Variants in ME1 observed in about 807,000 individuals in gnomAD.
The protein encoded by ME1 is NADP-dependent malic enzyme.
ME1 carries 74 observed loss-of-function variants against 66.4 expected under a neutral mutation model. That is an observed-to-expected ratio of 1.11 (90% CI 0.92 to 1.35). The LOEUF (loss-of-function observed/expected upper bound fraction) is 1.35. Ranked by LOEUF, ME1 falls within the 40% of genes most tolerant of loss-of-function variation. The pLI, the probability that ME1 is intolerant of heterozygous loss-of-function variation, is 0.00. For missense variants in ME1, 750 were observed against 694.1 expected (o/e 1.08, Z -0.90); for synonymous variants, 251 against 235.6 (o/e 1.07, Z -0.60).
At chr6:83,224,846 G>T (rs953953805) in intron 11 of ME1, among the ~76,000 whole-genome samples, 1 of 151,898 alleles carries the variant, frequency 6.6e-6, no homozygotes, top group African/African-American at 2.4e-5. Context: ...TCTTCATTTT[G>T]CCTAGTATTA....
intron 3 of ME1, among the ~76,000 whole-genome samples, chr6:83,387,270 CATT>C (rs2128549328): frequency 6.6e-6 from 1 of 152,128 alleles, no homozygotes; most frequent in East Asian, 1.9e-4. Flanking sequence ...ATGAAAGTTT[CATT>C]ATATTAACCT....
At chr6:83,380,253 A>G (rs1014393609) in intron 3 of ME1, among the ~76,000 whole-genome samples, 22 of 152,094 alleles carry the variant, frequency 1.4e-4, no homozygotes, top group Admixed American at 2.6e-4. Context: ...GGGTAGGGAC[A>G]TGAGTGGGAG....
intron 6 of ME1, among the ~76,000 whole-genome samples, chr6:83,308,477 T>TAA (rs5877840): frequency 1.2e-3 from 165 of 137,458 alleles, no homozygotes; most frequent in South Asian, 4.0e-3. Context: ...ACTGATTCTG[T>TAA]AAAAAAAAAA....
rs147367037 is a variant in ME1, at chr6:83,389,853, T to G, written c.362+8514A>C. Among the ~76,000 whole-genome samples, 998 of 152,120 alleles carry G rather than the reference T, an allele frequency of 6.6e-3. 10 individuals carry two copies. Among genetic ancestry groups the G allele is most frequent in the African/African-American group, 0.023 (946 of 41,490 alleles). On this transcript the variant is annotated intron_variant, in intron 3 of 13. Transcript: ENST00000369705. ...ACAAACTAACCACAATTAGGCACACTGACATAAGCAGATTGCACTACCAAA... is the reference window on the plus strand; with the variant it reads ...ACAAACTAACCACAATTAGGCACACGGACATAAGCAGATTGCACTACCAAA...
intron 6 of ME1, among the ~76,000 whole-genome samples, chr6:83,312,399 C>A (rs1403442541): frequency 6.6e-6 from 1 of 152,158 alleles, no homozygotes; most frequent in Non-Finnish European, 1.5e-5. Flanking sequence ...TCAGAAAAGA[C>A]AGACTTGGTA....
At chr6:83,284,189 A>C (rs775348004) in intron 6 of ME1, among the ~76,000 whole-genome samples, 7 of 152,166 alleles carry the variant, frequency 4.6e-5, no homozygotes, top group Non-Finnish European at 1.0e-4. Context: ...AATCAGGAAA[A>C]AGTTGCAACC....
chr6:83,410,746 T>A (rs1770034344), intron 1 of ME1, among the ~76,000 whole-genome samples: 1 of 152,316 alleles, frequency 6.6e-6, no homozygotes, highest in South Asian at 2.1e-4. Context: ...TGAGATGTAC[T>A]AACATATGCC....
intron 3 of ME1, among the ~76,000 whole-genome samples, chr6:83,362,164 C>T (rs747151568): frequency 7.2e-5 from 11 of 152,234 alleles, no homozygotes; most frequent in Non-Finnish European, 1.3e-4. Context: ...ACTGGTTGTG[C>T]ACTTTGCATC....
intron 1 of ME1, among the ~76,000 whole-genome samples, chr6:83,409,279 T>C (rs1016432669): frequency 6.6e-6 from 1 of 152,238 alleles, no homozygotes; most frequent in Non-Finnish European, 1.5e-5. Flanking sequence ...TCATTGTCAC[T>C]ACTGCTATCT....
At chr6:83,296,419 CAT>C (rs1767599331) in intron 6 of ME1, among the ~76,000 whole-genome samples, 1 of 152,128 alleles carries the variant, frequency 6.6e-6, no homozygotes, top group South Asian at 2.1e-4. Flanking sequence ...AGATAAAACA[CAT>C]GATTATCTCA....
intron 6 of ME1, among the ~76,000 whole-genome samples, chr6:83,303,920 C>A (rs1185080593): frequency 6.6e-6 from 1 of 152,068 alleles, no homozygotes; most frequent in African/African-American, 2.4e-5. Context: ...ACATTATTTT[C>A]TTTGGGGACA....
Position 83,239,527 on chromosome 6 carries a change from C to A in ME1, c.912+12G>T. On this transcript the variant is annotated intron_variant, in intron 8 of 13. Coordinates refer to ENST00000369705, the MANE Select transcript of ME1 (RefSeq NM_002395.6). The stretch of plus-strand genomic sequence containing the variant: ...AGTTTAGGAGAACATAAGTATTACA[C>A]AAGGCAAATACCTCTCCAGCTCCTT... 1 of 1,579,126 alleles carries A rather than the reference C, an allele frequency of 6.3e-7. No individual in the cohort carries two copies. Among genetic ancestry groups the A allele is most frequent in the South Asian group, 1.1e-5 (1 of 90,010 alleles).
intron 2 of ME1, among the ~76,000 whole-genome samples, chr6:83,399,136 A>G (rs1387184043): frequency 6.6e-6 from 1 of 151,798 alleles, no homozygotes. Flanking sequence ...CTGGGACTAC[A>G]GGCGTGCACC....
intron 9 of ME1, among the ~76,000 whole-genome samples, chr6:83,229,759 C>T (rs987397994): frequency 2.6e-5 from 4 of 152,146 alleles, no homozygotes; most frequent in African/African-American, 9.7e-5. Context: ...ATGTCATAGT[C>T]TTTGCAAATT....
chr6:83,342,361 T>C (rs1768603766), intron 5 of ME1, among the ~76,000 whole-genome samples: 1 of 152,174 alleles, frequency 6.6e-6, no homozygotes, highest in African/African-American at 2.4e-5. Flanking sequence ...CAAGAGTATA[T>C]AATAACTGTC....
At position 83,417,342 on chromosome 6, in the gene ME1, CCTAA is replaced by C. The variant is rs1281639229; in HGVS notation, c.79-9445_79-9442del. On this transcript the variant is annotated intron_variant, in intron 1 of 13. Coordinates refer to ENST00000369705, the MANE Select transcript of ME1 (RefSeq NM_002395.6). Reference sequence around the variant, plus strand: ...TGCTGGGATTACAGGAGCCACTGTGCCTAACTAACATGTTTTTTTTGTTGTTTTT... The same window carrying C: ...TGCTGGGATTACAGGAGCCACTGTGCCTAACATGTTTTTTTTGTTGTTTTT... Among the ~76,000 whole-genome samples, 6 of 151,160 alleles carry C rather than the reference CCTAA, an allele frequency of 4.0e-5. No homozygotes were observed. The South Asian group carries it at 6.3e-4, about 16-fold the overall frequency.
intron 5 of ME1, among the ~76,000 whole-genome samples, chr6:83,331,821 G>A (rs1488856550): frequency 2.6e-5 from 4 of 151,902 alleles, no homozygotes; most frequent in Non-Finnish European, 5.9e-5. Flanking sequence ...CTAAAAAAAA[G>A]AATATCCCAT....
chr6:83,425,400 G>C (rs1426462769), intron 1 of ME1, among the ~76,000 whole-genome samples: 1 of 152,148 alleles, frequency 6.6e-6, no homozygotes, highest in Non-Finnish European at 1.5e-5. Flanking sequence ...TATAAAGAAA[G>C]ATGCTTAATT....
At chr6:83,257,757 A>G (rs1313701348) in intron 6 of ME1, among the ~76,000 whole-genome samples, 2 of 152,182 alleles carry the variant, frequency 1.3e-5, no homozygotes, top group Non-Finnish European at 2.9e-5. Context: ...AAGTACCCCA[A>G]ACACAAATAT....
Sources: allele counts gnomAD v4.1 joint callset (sites outside exome capture counted in the v4.1 genomes callset), GRCh38; gene constraint gnomAD v4.1.1; transcripts MANE v1.5; gene names NCBI Gene and HGNC (gene_info 2026-07-23, HGNC 2026-07-21).